CDK6: variants seen among roughly 807,000 people sequenced by gnomAD.
CDK6 encodes cyclin dependent kinase 6.
In CDK6, 6 loss-of-function variants were observed where a neutral mutation model predicts 37.1. That is an observed-to-expected ratio of 0.16 (90% CI 0.09 to 0.32). The LOEUF (loss-of-function observed/expected upper bound fraction) is 0.32, where lower values mean the gene tolerates loss of function less well. CDK6 is among the 10% of genes least tolerant of loss of function. The pLI, the probability that CDK6 is intolerant of heterozygous loss-of-function variation, is 1.00. For missense variants in CDK6, 224 were observed against 418.9 expected, an observed-to-expected ratio of 0.53 and a Z score of 4.06; for synonymous variants, 160 against 161.3, an observed-to-expected ratio of 0.99 and a Z score of 0.06.
intron 6 of CDK6, among the ~76,000 whole-genome samples, chr7:92,619,289 T>C (rs1011573264): frequency 6.6e-6 from 1 of 152,170 alleles, no homozygotes; most frequent in Non-Finnish European, 1.5e-5. Context: ...AATGGGTCAA[T>C]GGACTTACAT....
intron 2 of CDK6, among the ~76,000 whole-genome samples, chr7:92,810,657 T>C (rs1800855088): frequency 6.6e-6 from 1 of 152,206 alleles, no homozygotes; most frequent in African/African-American, 2.4e-5. Flanking sequence ...CATACAATAA[T>C]TTTACTGGAT....
At chr7:92,627,601 G>A (rs1173254924) in intron 5 of CDK6, among the ~76,000 whole-genome samples, 2 of 152,000 alleles carry the variant, frequency 1.3e-5, no homozygotes, top group African/African-American at 2.4e-5. Flanking sequence ...CTGTTTATAA[G>A]CCAATCCAGT....
intron 3 of CDK6, among the ~76,000 whole-genome samples, chr7:92,760,820 T>G (rs1325743121): frequency 6.6e-6 from 1 of 152,154 alleles, no homozygotes; most frequent in African/African-American, 2.4e-5. Context: ...TTCAACAATA[T>G]GAGATTTTTT....
At chr7:92,748,196 T>C (rs1299370538) in intron 3 of CDK6, among the ~76,000 whole-genome samples, 1 of 152,124 alleles carries the variant, frequency 6.6e-6, no homozygotes, top group Non-Finnish European at 1.5e-5. Context: ...AATCTGAAGA[T>C]TTTCAATAGT....
chr7:92,705,591 A>T (rs772582909), intron 4 of CDK6, among the ~76,000 whole-genome samples: 53 of 152,210 alleles, frequency 3.5e-4, no homozygotes, highest in South Asian at 2.1e-4. Flanking sequence ...AAGCATCCAA[A>T]GAAAGGTGGA....
At chr7:92,637,695 T>C (rs536452719) in intron 5 of CDK6, among the ~76,000 whole-genome samples, 2 of 152,192 alleles carry the variant, frequency 1.3e-5, no homozygotes, top group African/African-American at 4.8e-5. Context: ...AATATCATTA[T>C]CCTCATTTCA....
chr7:92,775,463 G>A (rs1016210708), intron 2 of CDK6, among the ~76,000 whole-genome samples: 1 of 152,074 alleles, frequency 6.6e-6, no homozygotes, highest in Non-Finnish European at 1.5e-5. Context: ...TCAGGGGTAG[G>A]GGGACCTGCA....
chr7:92,697,407 GA>G (rs1797745194), intron 4 of CDK6, among the ~76,000 whole-genome samples: 1 of 152,150 alleles, frequency 6.6e-6, no homozygotes, highest in Non-Finnish European at 1.5e-5. Context: ...CTTCACTAAG[GA>G]CTTCACACAT....
At chr7:92,794,463 C>T (rs1056021603) in intron 2 of CDK6, among the ~76,000 whole-genome samples, 4 of 152,110 alleles carry the variant, frequency 2.6e-5, no homozygotes, top group Admixed American at 6.6e-5. Flanking sequence ...CCACTCGCCA[C>T]TCCATCCTCA....
intron 2 of CDK6, among the ~76,000 whole-genome samples, chr7:92,824,009 T>C (rs1404697652): frequency 6.6e-6 from 1 of 151,938 alleles, no homozygotes; most frequent in Admixed American, 6.6e-5. Flanking sequence ...GGTGTGAGAG[T>C]TAATGTTCCT....
At chr7:92,622,867 C>G (rs3731357) in intron 6 of CDK6, among the ~76,000 whole-genome samples, 169 bp downstream of exon 6, 390 of 152,198 alleles carry the variant, frequency 2.6e-3, no homozygotes, top group African/African-American at 8.9e-3. Context: ...CTGCATAAAA[C>G]GGCACTTCTA....
intron 2 of CDK6, among the ~76,000 whole-genome samples, chr7:92,789,391 A>G (rs990577842): frequency 6.6e-6 from 1 of 152,236 alleles, no homozygotes; most frequent in Non-Finnish European, 1.5e-5. Flanking sequence ...CTACATAGGT[A>G]AGTGGTTTGT....
At chr7:92,805,757 A>G (rs1158729459) in intron 2 of CDK6, among the ~76,000 whole-genome samples, 1 of 152,320 alleles carries the variant, frequency 6.6e-6, no homozygotes, top group Non-Finnish European at 1.5e-5. Context: ...AATGATTCTC[A>G]TGAACCTTGT....
At chr7:92,803,682 T>A (rs1317954582) in intron 2 of CDK6, among the ~76,000 whole-genome samples, 2 of 152,046 alleles carry the variant, frequency 1.3e-5, no homozygotes, top group African/African-American at 4.8e-5. Flanking sequence ...TTGGGGCACA[T>A]GTGTGATGTG....
chr7:92,633,342 T>C (rs1169153273), intron 5 of CDK6, among the ~76,000 whole-genome samples: 1 of 152,026 alleles, frequency 6.6e-6, no homozygotes, highest in African/African-American at 2.4e-5. Context: ...TCACAGACAA[T>C]CTAGACAGAA....
At chr7:92,729,090 T>C (rs3802078) in intron 3 of CDK6, among the ~76,000 whole-genome samples, 25,918 of 152,006 alleles carry the variant, frequency 0.17, 3,371 homozygotes, top group African/African-American at 0.37. Flanking sequence ...TATAAATAAA[T>C]AAATTACAAC....
chr7:92,743,466 G>A (rs540892458), intron 3 of CDK6, among the ~76,000 whole-genome samples: 2 of 151,096 alleles, frequency 1.3e-5, no homozygotes, highest in East Asian at 1.9e-4. Context: ...AGACACACAA[G>A]AGCGAAATTC....
At chr7:92,633,994 T>A (rs1023679829) in intron 5 of CDK6, among the ~76,000 whole-genome samples, 9 of 152,180 alleles carry the variant, frequency 5.9e-5, no homozygotes, top group Non-Finnish European at 1.0e-4. Context: ...GATTATCACA[T>A]GCTTTTTAAC....
At chr7:92,682,278 G>A (rs1797355803) in intron 4 of CDK6, among the ~76,000 whole-genome samples, 1 of 152,096 alleles carries the variant, frequency 6.6e-6, no homozygotes, top group Non-Finnish European at 1.5e-5. Flanking sequence ...CTCATAATCT[G>A]GTTCCCACCC....
Sources: gnomAD v4.1 joint callset for allele counts (sites outside exome capture counted in the v4.1 genomes callset) on GRCh38, gnomAD v4.1.1 for gene constraint, MANE v1.5 for transcripts, NCBI Gene and HGNC (gene_info 2026-07-23, HGNC 2026-07-21) for gene names.